Variants in RALGAPA1 observed in about 807,000 individuals in gnomAD.
RALGAPA1 encodes ral GTPase-activating protein subunit alpha-1.
A neutral mutation model predicts 269.6 loss-of-function variants in RALGAPA1; 52 were observed. The ratio of observed to expected loss-of-function variants is 0.19; its 90% CI spans 0.15 to 0.24. The LOEUF is 0.24. RALGAPA1 is among the 10% of genes least tolerant of loss of function. RALGAPA1 has a pLI of 1.00. For missense variants in RALGAPA1, 1,917 were observed against 3,013.9 expected (o/e 0.64, Z 8.52); for synonymous variants, 817 against 1,008.3 (o/e 0.81, Z 3.60).
rs922321404 is a variant in RALGAPA1, at chr14:35,808,667, G to T, written c.106+63C>A. The T allele has an allele frequency of 5.2e-6, 8 of 1,535,156 alleles. No homozygotes were observed. In the African/African-American group the frequency reaches 9.6e-5, roughly 18 times the overall value. The stretch of plus-strand genomic sequence containing the variant: ...CAGGTCCCGAGAGAGAGTCCGCAGG[G>T]GCTCCCAGGAGAGGGAAGGCCGGGC... On this transcript the variant is annotated intron_variant, in intron 1 of 41. Transcript: ENST00000680220.
intron 1 of RALGAPA1, among the ~76,000 whole-genome samples, chr14:35,801,603 T>C (rs1476384575): frequency 6.6e-6 from 1 of 151,890 alleles, no homozygotes; most frequent in Non-Finnish European, 1.5e-5. Flanking sequence ...AATAAGAGAG[T>C]ATAATCAACA....
At chr14:35,562,605 T>C (rs2056357583) in intron 39 of RALGAPA1, among the ~76,000 whole-genome samples, 1 of 152,148 alleles carries the variant, frequency 6.6e-6, no homozygotes, top group African/African-American at 2.4e-5. Context: ...CAGAGGCAAT[T>C]TTCACTGATC....
At chr14:35,670,068 T>C (rs1253719604) in intron 26 of RALGAPA1, among the ~76,000 whole-genome samples, 6 of 152,228 alleles carry the variant, frequency 3.9e-5, no homozygotes, top group Non-Finnish European at 8.8e-5. Context: ...CTGTTTACAC[T>C]AGGTGACTGT....
At chr14:35,700,104 A>G in intron 17 of RALGAPA1, 58 bp downstream of exon 17, 2 of 1,438,766 alleles carry the variant, frequency 1.4e-6, no homozygotes, top group Non-Finnish European at 1.8e-6. Context: ...GCAAAATTTG[A>G]AAGCAGAGGA....
chr14:35,746,769 T>A (rs2072145760), intron 10 of RALGAPA1, among the ~76,000 whole-genome samples: 1 of 151,860 alleles, frequency 6.6e-6, no homozygotes, highest in Admixed American at 6.6e-5. Flanking sequence ...GTAATATATA[T>A]GTTGGGGGGA....
At chr14:35,637,344 C>T (rs990653850) in intron 31 of RALGAPA1, among the ~76,000 whole-genome samples, 9 of 152,016 alleles carry the variant, frequency 5.9e-5, no homozygotes, top group African/African-American at 2.2e-4. Flanking sequence ...ATTCAGAATC[C>T]TATGAGATAA....
chr14:35,544,883 C>T lies in RALGAPA1; in HGVS notation c.*23+3625G>A, dbSNP rs140997746. Among the ~76,000 whole-genome samples, 253 of 152,140 alleles carry T rather than the reference C, an allele frequency of 1.7e-3. 4 individuals carry two copies. In the East Asian group the frequency reaches 0.04, roughly 24 times the overall value. On this transcript the variant is annotated intron_variant, in intron 41 of 41. Transcript: ENST00000680220. ...CCAACATGGTGAAATCCTGTCTTTA[C>T]CAAAAATACAAAAATCAGCCAGGAG...
In RALGAPA1 at chr14:35,680,850, G is replaced by C. The variant is rs987810512; in HGVS notation, c.4472-2748C>G. ...AGGATGGTCTCAATCTCCTGACCTC[G>C]TGATCCACCCGCCTCGGCCTTCCAA... On this transcript the variant is annotated intron_variant, in intron 21 of 41. Transcript: ENST00000680220. 3.3e-5 allele frequency among the ~76,000 whole-genome samples: 5 copies of C among 151,508 alleles called. No homozygotes were observed. The South Asian group carries it at 8.3e-4, about 25-fold the overall frequency.
chr14:35,542,597 C>T (rs538467069), intron 41 of RALGAPA1: 2 of 152,226 alleles, frequency 1.3e-5, no homozygotes, highest in South Asian at 4.2e-4. Context: ...GTAGAAAGAC[C>T]TCAATTTTAG....
In RALGAPA1 at chr14:35,688,522, G is replaced by C. The variant is rs2140435714; in HGVS notation, c.3889C>G (p.Pro1297Ala). ...TACAGATCCCTCAGTGGAGCCTCTG[G>C]TGGCATTCTGTTCTGCCTCTGTGGG... ...VSPQRQNRMP[P>A]EAPLRDLYSH... The change falls in exon 18 of 42, where the codon CCA becomes GCA. Residue 1297 changes from proline to alanine, a missense_variant. This residue lies in a region of RALGAPA1 where 615 missense variants were observed against 790.0 expected (regional missense o/e 0.78). Coordinates refer to ENST00000680220, the MANE Select transcript of RALGAPA1 (RefSeq NM_001346249.2). 1.3e-6 allele frequency: 2 copies of C among 1,536,074 alleles called. No individual in the cohort carries two copies. Among genetic ancestry groups the C allele is most frequent in the East Asian group, 4.9e-5 (2 of 40,914 alleles).
intron 16 of RALGAPA1, among the ~76,000 whole-genome samples, chr14:35,718,752 T>C (rs2069089260): frequency 6.6e-6 from 1 of 151,766 alleles, no homozygotes; most frequent in East Asian, 1.9e-4. Flanking sequence ...GAAGTGGAGG[T>C]TGCAGTGAGC....
intron 6 of RALGAPA1, among the ~76,000 whole-genome samples, chr14:35,757,119 AT>A (rs201089890): frequency 0.036 from 5,280 of 144,706 alleles, 278 homozygotes; most frequent in African/African-American, 0.11. Context: ...TATTATTATT[AT>A]TTTTTTTTTT....
Position 35,808,916 on chromosome 14 carries a change from G to A in RALGAPA1, c.-81C>T, listed in dbSNP as rs1217077300. 3.2e-6 allele frequency: 5 copies of A among 1,540,562 alleles called. No homozygotes were observed. Among genetic ancestry groups the A allele is most frequent in the South Asian group, 1.2e-5 (1 of 82,542 alleles). The stretch of plus-strand genomic sequence containing the variant: ...GCGGCAGAAAGTGGAGGGAGTGGAC[G>A]GGGAGGAGACTAGCCAGAGAGGCTC... On this transcript the variant is annotated 5_prime_UTR_variant, in exon 1 of 42. Coordinates refer to ENST00000680220, the MANE Select transcript of RALGAPA1 (RefSeq NM_001346249.2).
rs531182171 is a variant in RALGAPA1 at position 35,722,596 on chromosome 14, A to C, written c.2104+431T>G. Among the ~76,000 whole-genome samples the C allele has an allele frequency of 2.0e-5, 3 of 151,676 alleles. No individual in the cohort carries two copies. In the East Asian group the frequency reaches 5.8e-4, roughly 29 times the overall value. The stretch of plus-strand genomic sequence containing the variant: ...TACTATACTCTAGCCTAGGAAACAG[A>C]GTGAGGCCCTGTCTCAGAAAAAAAA... On this transcript the variant is annotated intron_variant, in intron 15 of 41. Transcript: ENST00000680220.
At chr14:35,740,325 T>C (rs1021570519) in intron 11 of RALGAPA1, among the ~76,000 whole-genome samples, 1 of 152,228 alleles carries the variant, frequency 6.6e-6, no homozygotes, top group African/African-American at 2.4e-5. Context: ...AAAAGCTTTG[T>C]ATGGTATTTT....
intron 20 of RALGAPA1, 121 bp downstream of exon 20, chr14:35,684,808 C>G (rs147882308): frequency 2.0e-6 from 2 of 978,488 alleles, no homozygotes; most frequent in African/African-American, 1.7e-5. Flanking sequence ...TTTTTTCTAA[C>G]GTGGGAGCCA....
intron 5 of RALGAPA1, 86 bp from the exon 6 acceptor site, chr14:35,761,092 C>G (rs2073659739): frequency 1.0e-6 from 1 of 972,142 alleles, no homozygotes; most frequent in Non-Finnish European, 1.5e-6. Context: ...TAGATGATGA[C>G]AACAGAATGA....
At chr14:35,629,934 ATATTT>A (rs1292749072) in intron 33 of RALGAPA1, among the ~76,000 whole-genome samples, 3 of 152,226 alleles carry the variant, frequency 2.0e-5, no homozygotes, top group Non-Finnish European at 4.4e-5. Context: ...TCAAAAAAGA[ATATTT>A]TATTTTATGT....
chr14:35,763,153 C>T (rs1431611405), intron 4 of RALGAPA1, among the ~76,000 whole-genome samples: 1 of 151,958 alleles, frequency 6.6e-6, no homozygotes, highest in Non-Finnish European at 1.5e-5. Flanking sequence ...TGAATATTTC[C>T]ATTATACTAA....
Sources: gnomAD v4.1 joint callset for allele counts (sites outside exome capture counted in the v4.1 genomes callset) on GRCh38, gnomAD v4.1.1 for gene constraint, gnomAD v4.1.1 regional missense constraint, MANE v1.5 for transcripts, NCBI Gene and HGNC (gene_info 2026-07-23, HGNC 2026-07-21) for gene names.